The following PTCHD4 variants were observed in gnomAD, a reference collection of about 807,000 sequenced individuals.
The protein encoded by PTCHD4 is patched domain containing 4.
In PTCHD4, 33 loss-of-function variants were observed where a neutral mutation model predicts 58.1. The observed-to-expected ratio is 0.57, with a 90% CI of 0.43 to 0.76. The LOEUF (loss-of-function observed/expected upper bound fraction) is 0.76. Ranked by LOEUF, PTCHD4 falls within the 30% of genes least tolerant of loss-of-function variation. The pLI is 0.00. For synonymous variants in PTCHD4, 478 were observed against 409.6 expected (o/e 1.17, Z -2.02); for missense variants, 1,058 against 1,027.1 (o/e 1.03, Z -0.41).
intron 4 of PTCHD4, among the ~76,000 whole-genome samples, chr6:47,917,856 T>C (rs1765307940): frequency 6.6e-6 from 1 of 152,146 alleles, no homozygotes; most frequent in Non-Finnish European, 1.5e-5. Flanking sequence ...AATAATATAG[T>C]TGTAACCATG....
At position 47,880,561 on chromosome 6, in the gene PTCHD4, G is replaced by T. The variant is rs905632140; in HGVS notation, c.899-625C>A. Among the ~76,000 whole-genome samples the T allele has an allele frequency of 5.9e-5, 9 of 151,940 alleles. No homozygotes were observed. The South Asian group carries it at 6.2e-4, about 10-fold the overall frequency. ...AAAAAATCTGCCACGTCACATAAAA[G>T]ACAGGGCAAGACCTTCGGGGTGAAA... On this transcript the variant is annotated intron_variant, in intron 4 of 4. Transcript: ENST00000339488.
intron 3 of PTCHD4, among the ~76,000 whole-genome samples, chr6:48,009,897 A>G (rs1450344066): frequency 1.3e-5 from 2 of 152,338 alleles, no homozygotes; most frequent in East Asian, 1.9e-4. Flanking sequence ...CATGAGGTAG[A>G]GTAGGCAAGA....
At chr6:47,886,138 C>T (rs1362183123) in intron 4 of PTCHD4, among the ~76,000 whole-genome samples, 1 of 147,586 alleles carries the variant, frequency 6.8e-6, no homozygotes, top group African/African-American at 2.5e-5. Flanking sequence ...TTTTTTTTTC[C>T]CAGAGCAATG....
intron 3 of PTCHD4, among the ~76,000 whole-genome samples, chr6:48,067,655 C>T (rs1764845325): frequency 6.6e-6 from 1 of 152,136 alleles, no homozygotes. Context: ...GTGGATATGA[C>T]ACCAGGTGGA....
chr6:48,096,610 TAA>T (rs386406978), intron 1 of PTCHD4, among the ~76,000 whole-genome samples: 17 of 134,664 alleles, frequency 1.3e-4, no homozygotes, highest in Admixed American at 2.2e-4. Flanking sequence ...AGACTCTGCC[TAA>T]AAAAAAAAAA....
In PTCHD4 at chr6:47,867,520, C is replaced by G. The variant is rs553989181; in HGVS notation, c.*10783G>C. The stretch of plus-strand genomic sequence containing the variant: ...CCCTCTCCAAAATCCAAGTAACTCC[C>G]CATATCCTGGCAATGCTTTATAATA... On this transcript the variant is annotated 3_prime_UTR_variant, in exon 5 of 5. Transcript: ENST00000339488. Among the ~76,000 whole-genome samples, 1 of 150,008 alleles carries G rather than the reference C, an allele frequency of 6.7e-6. No homozygotes were observed. The highest frequency in any genetic ancestry group is 7.1e-5 in the Admixed American group (1 of 14,054).
chr6:47,895,141 GA>G (rs11404768), intron 4 of PTCHD4, among the ~76,000 whole-genome samples: 2,002 of 150,008 alleles, frequency 0.013, 45 homozygotes, highest in African/African-American at 0.046. Flanking sequence ...TCTCAAAAAA[GA>G]AAAAAAAAGA....
chr6:48,102,434 A>C (rs1562050344), intron 1 of PTCHD4, among the ~76,000 whole-genome samples: 1 of 152,142 alleles, frequency 6.6e-6, no homozygotes, highest in Non-Finnish European at 1.5e-5. Flanking sequence ...ACCTCATCCT[A>C]TTATATAAGT....
intron 4 of PTCHD4, among the ~76,000 whole-genome samples, chr6:47,891,459 A>AG (rs1261436955): frequency 6.6e-6 from 1 of 152,126 alleles, no homozygotes; most frequent in East Asian, 1.9e-4. Flanking sequence ...TGAAAAAAAC[A>AG]CAAACATTGC....
intron 4 of PTCHD4, among the ~76,000 whole-genome samples, chr6:47,935,283 T>G (rs1400101262): frequency 6.6e-6 from 1 of 152,240 alleles, no homozygotes; most frequent in African/African-American, 2.4e-5. Context: ...TGCTACCTCT[T>G]AATTTGTGGC....
At chr6:48,082,612 C>A (rs559191293) in intron 1 of PTCHD4, among the ~76,000 whole-genome samples, 50 of 152,266 alleles carry the variant, frequency 3.3e-4, no homozygotes, top group African/African-American at 1.2e-3. Context: ...GCCATCCCTG[C>A]CATTTTCTTT....
chr6:47,884,010 C>T (rs1256063004), intron 4 of PTCHD4, among the ~76,000 whole-genome samples: 1 of 151,980 alleles, frequency 6.6e-6, no homozygotes, highest in Admixed American at 6.6e-5. Context: ...TTCCAGAATC[C>T]CGTAACACAG....
intron 4 of PTCHD4, among the ~76,000 whole-genome samples, chr6:47,931,032 G>A (rs973968740): frequency 6.6e-6 from 1 of 152,182 alleles, no homozygotes; most frequent in Non-Finnish European, 1.5e-5. Flanking sequence ...TGATCCACCC[G>A]CCTCGGCCTC....
chr6:48,078,620 T>C (rs1389040040), intron 1 of PTCHD4, among the ~76,000 whole-genome samples: 1 of 152,232 alleles, frequency 6.6e-6, no homozygotes, highest in Non-Finnish European at 1.5e-5. Context: ...TGGTCAGTTT[T>C]AATCTATAAC....
At chr6:47,908,125 G>C (rs1472572672) in intron 4 of PTCHD4, among the ~76,000 whole-genome samples, 2 of 152,082 alleles carry the variant, frequency 1.3e-5, no homozygotes, top group Non-Finnish European at 2.9e-5. Flanking sequence ...AAAAAGCACT[G>C]CAAAGGCTGT....
chr6:48,030,040 G>A (rs1268479746), intron 3 of PTCHD4, among the ~76,000 whole-genome samples: 2 of 151,930 alleles, frequency 1.3e-5, no homozygotes, highest in Non-Finnish European at 2.9e-5. Flanking sequence ...GTCTGGCTTG[G>A]CTTCCTATCC....
chr6:48,026,917 ATT>A (rs58551881), intron 3 of PTCHD4, among the ~76,000 whole-genome samples: 1 of 148,482 alleles, frequency 6.7e-6, no homozygotes, highest in African/African-American at 2.5e-5. Context: ...AATTTGTCCC[ATT>A]TTTTTTTTTG....
At chr6:47,984,539 T>G (rs1767993769) in intron 4 of PTCHD4, among the ~76,000 whole-genome samples, 1 of 152,222 alleles carries the variant, frequency 6.6e-6, no homozygotes, top group East Asian at 1.9e-4. Flanking sequence ...GAGATTTGGG[T>G]GATGACACAG....
At chr6:48,062,440 G>C (rs936776670) in intron 3 of PTCHD4, among the ~76,000 whole-genome samples, 2 of 152,010 alleles carry the variant, frequency 1.3e-5, no homozygotes, top group Non-Finnish European at 2.9e-5. Context: ...AGAATGGAGA[G>C]AACGCTTTCT....
Sources: gnomAD v4.1 joint callset for allele counts (sites outside exome capture counted in the v4.1 genomes callset) on GRCh38, gnomAD v4.1.1 for gene constraint, MANE v1.5 for transcripts, NCBI Gene and HGNC (gene_info 2026-07-23, HGNC 2026-07-21) for gene names.